Variants in KPNA3 observed in about 807,000 individuals in gnomAD.
KPNA3 encodes karyopherin subunit alpha 3, also known as importin subunit alpha-4.
In KPNA3, 13 loss-of-function variants were observed where a neutral mutation model predicts 73.8. The observed-to-expected ratio is 0.18, with a 90% CI of 0.11 to 0.28. The LOEUF is 0.28. Ranked by LOEUF, KPNA3 falls within the 10% of genes least tolerant of loss-of-function variation. The probability of loss-of-function intolerance (pLI) is 1.00; values close to 1 mark genes in which losing one functional copy is unlikely to be tolerated. For missense variants in KPNA3, 360 were observed against 618.1 expected (o/e 0.58, Z 4.43); for synonymous variants, 186 against 206.9 (o/e 0.90, Z 0.87).
rs1231958361 is a variant in KPNA3, at chr13:49,699,959, T to C, written c.*1841A>G. 1 of 152,608 alleles carries C rather than the reference T, an allele frequency of 6.6e-6. No individual in the cohort carries two copies. The highest frequency in any genetic ancestry group is 1.5e-5 in the Non-Finnish European group (1 of 68,034). The allele number at this position is 152,608 out of a possible 1,614,324, so 9.5% of individuals were successfully genotyped here. On this transcript the variant is annotated 3_prime_UTR_variant, in exon 17 of 17. Coordinates refer to ENST00000261667, the MANE Select transcript of KPNA3 (RefSeq NM_002267.4). ...TTTGGATAAAGAAAAAAAGGCACAATGAACTTCAACTCAATTTTATGTGCA... is the reference window on the plus strand; with the variant it reads ...TTTGGATAAAGAAAAAAAGGCACAACGAACTTCAACTCAATTTTATGTGCA...
At chr13:49,752,571 A>G (rs1031213952) in intron 1 of KPNA3, among the ~76,000 whole-genome samples, 2 of 152,210 alleles carry the variant, frequency 1.3e-5, no homozygotes, top group Non-Finnish European at 2.9e-5. Flanking sequence ...AGAAAAACTC[A>G]GAAATGAGGT....
chr13:49,731,454 C>CAA (rs1440724878), intron 6 of KPNA3, among the ~76,000 whole-genome samples: 2 of 152,000 alleles, frequency 1.3e-5, no homozygotes, highest in Non-Finnish European at 2.9e-5. Flanking sequence ...TTACAGAAAA[C>CAA]AAACATGATA....
intron 1 of KPNA3, among the ~76,000 whole-genome samples, chr13:49,788,404 A>G (rs1460571313): frequency 6.6e-6 from 1 of 152,218 alleles, no homozygotes; most frequent in East Asian, 1.9e-4. Context: ...AATGCCTTAC[A>G]TGAAAAGGTC....
intron 2 of KPNA3, among the ~76,000 whole-genome samples, chr13:49,744,681 C>T (rs1316774122): frequency 6.6e-6 from 1 of 152,066 alleles, no homozygotes; most frequent in African/African-American, 2.4e-5. Context: ...CCATGTTGGC[C>T]AGGATGGTCT....
At chr13:49,735,271 C>T (rs1295532219) in intron 2 of KPNA3, among the ~76,000 whole-genome samples, 4 of 152,102 alleles carry the variant, frequency 2.6e-5, no homozygotes, top group African/African-American at 7.2e-5. Context: ...TACAGGCATG[C>T]GCCTCCATAC....
In KPNA3 at chr13:49,705,742, A is replaced by G. The variant is rs1338021285; in HGVS notation, c.1251T>C (p.Cys417=). ...LVQQNVIPPF[C]NLLSVKDSQV... is the part of the protein sequence containing the mutation. Reference sequence around the variant, plus strand: ...GAGAATCTTTCACTGACAGTAAATTACAGAACGGTGGTATTACATTCTGCT... The same window carrying G: ...GAGAATCTTTCACTGACAGTAAATTGCAGAACGGTGGTATTACATTCTGCT... The change falls in exon 15 of 17, where the codon TGT becomes TGC. Residue 417 remains cysteine, a synonymous_variant. Coordinates refer to ENST00000261667, the MANE Select transcript of KPNA3 (RefSeq NM_002267.4). The G allele has an allele frequency of 1.2e-6, 2 of 1,613,860 alleles. No homozygotes were observed. Among genetic ancestry groups the G allele is most frequent in the African/African-American group, 2.7e-5 (2 of 74,932 alleles).
At chr13:49,779,800 C>G (rs1468361396) in intron 1 of KPNA3, among the ~76,000 whole-genome samples, 1 of 152,178 alleles carries the variant, frequency 6.6e-6, no homozygotes, top group Non-Finnish European at 1.5e-5. Flanking sequence ...GATCTAGCTT[C>G]CAGCCTCCAC....
intron 1 of KPNA3, among the ~76,000 whole-genome samples, chr13:49,753,368 A>G (rs2137574904): frequency 6.6e-6 from 1 of 152,360 alleles, no homozygotes; most frequent in East Asian, 1.9e-4. Flanking sequence ...AGGACTTTAT[A>G]TCCAGTCAGA....
chr13:49,706,743 CT>C (rs1954210764), intron 12 of KPNA3, among the ~76,000 whole-genome samples: 1 of 106,964 alleles, frequency 9.3e-6, no homozygotes, highest in Non-Finnish European at 2.0e-5. Flanking sequence ...AACTGAATTT[CT>C]TTTTTCTTTT....
chr13:49,719,153 G>A (rs903264993), intron 10 of KPNA3, among the ~76,000 whole-genome samples: 5 of 151,914 alleles, frequency 3.3e-5, no homozygotes, highest in Admixed American at 2.6e-4. Context: ...TTGCCAGAAC[G>A]TTGACAGTAA....
Position 49,753,026 on chromosome 13 carries a change from C to CAAA in KPNA3, c.70-6036_70-6034dup, listed in dbSNP as rs71078888. Among the ~76,000 whole-genome samples, 39 of 82,208 alleles carry CAAA rather than the reference C, an allele frequency of 4.7e-4. 1 individual carries two copies. Among genetic ancestry groups the CAAA allele is most frequent in the Non-Finnish European group, 7.0e-4 (31 of 44,522 alleles). The allele number at this position is 82,208 out of a possible 152,430, so 53.9% of individuals were successfully genotyped here. On this transcript the variant is annotated intron_variant, in intron 1 of 16. Transcript: ENST00000261667. ...TGGGTGACAGAGCGAGACTCTGTCT[C>CAAA]AAAAAAAAAAAAAAAAAAAAAAAAA...
At chr13:49,728,122 C>T (rs1208571620) in intron 6 of KPNA3, among the ~76,000 whole-genome samples, 2 of 151,800 alleles carry the variant, frequency 1.3e-5, no homozygotes, top group Non-Finnish European at 2.9e-5. Context: ...GTAGACCCAG[C>T]TACTCGGGAG....
chr13:49,715,047 C>T (rs971396923), intron 10 of KPNA3, among the ~76,000 whole-genome samples: 1 of 151,838 alleles, frequency 6.6e-6, no homozygotes, highest in Non-Finnish European at 1.5e-5. Context: ...AGAATTTTCT[C>T]TACAGACACT....
At chr13:49,727,744 G>T (rs1265811943) in intron 6 of KPNA3, among the ~76,000 whole-genome samples, 1 of 152,186 alleles carries the variant, frequency 6.6e-6, no homozygotes, top group East Asian at 1.9e-4. Context: ...ACTAAGAGGG[G>T]TAAGGGGTAA....
At position 49,738,316 on chromosome 13, in the gene KPNA3, C is replaced by T. The variant is rs368306486; in HGVS notation, c.115-5270G>A. On this transcript the variant is annotated intron_variant, in intron 2 of 16. Coordinates refer to ENST00000261667, the MANE Select transcript of KPNA3 (RefSeq NM_002267.4). ...GAAGTAATTTCCCCTTTTTTCTTGT[C>T]AAGATTGTTTTAGCTATTCTAGAGA... 8.3e-4 allele frequency among the ~76,000 whole-genome samples: 126 copies of T among 152,162 alleles called. 2 individuals are homozygous for T. The South Asian group carries it at 9.5e-3, about 12-fold the overall frequency.
intron 9 of KPNA3, 99 bp from the exon 10 acceptor site, chr13:49,719,918 G>T: frequency 1.3e-6 from 1 of 754,004 alleles, no homozygotes; most frequent in African/African-American, 1.8e-5. Context: ...GGTTTGTAGG[G>T]CGAGAAAGAC....
chr13:49,757,277 G>T (rs60856213), intron 1 of KPNA3, among the ~76,000 whole-genome samples: 1 of 151,236 alleles, frequency 6.6e-6, no homozygotes, highest in South Asian at 2.1e-4. Context: ...AAAAAAATTT[G>T]CAACCACATA....
At chr13:49,764,898 G>C (rs1192941686) in intron 1 of KPNA3, among the ~76,000 whole-genome samples, 1 of 152,130 alleles carries the variant, frequency 6.6e-6, no homozygotes, top group Non-Finnish European at 1.5e-5. Context: ...CATTGGCTCT[G>C]CTCTTGCCAA....
chr13:49,770,595 C>A (rs1252867307), intron 1 of KPNA3, among the ~76,000 whole-genome samples: 1 of 106,728 alleles, frequency 9.4e-6, no homozygotes, highest in Non-Finnish European at 2.0e-5. Context: ...TACTATGAAA[C>A]CAGTGCCAAG....
Sources: gnomAD v4.1 joint callset for allele counts (sites outside exome capture counted in the v4.1 genomes callset) on GRCh38, gnomAD v4.1.1 for gene constraint, MANE v1.5 for transcripts, NCBI Gene and HGNC (gene_info 2026-07-23, HGNC 2026-07-21) for gene names.